The following FREM2 variants were observed in gnomAD, a reference collection of about 807,000 sequenced individuals.
FREM2 encodes FRAS1-related extracellular matrix protein 2.
In FREM2, 119 loss-of-function variants were observed where a neutral mutation model predicts 219.9. The ratio of observed to expected loss-of-function variants is 0.54; its 90% CI spans 0.47 to 0.63. The LOEUF is 0.63. Among genes scored for constraint, FREM2 ranks in the 30% least tolerant of loss-of-function variants. The pLI is 0.00. For missense variants in FREM2, 4,030 were observed against 3,993.6 expected (o/e 1.01, Z -0.25); for synonymous variants, 1,562 against 1,522.8 (o/e 1.03, Z -0.60).
intron 11 of FREM2, among the ~76,000 whole-genome samples, chr13:38,852,080 C>T (rs1187522775): frequency 1.3e-5 from 2 of 152,126 alleles, no homozygotes; most frequent in Non-Finnish European, 2.9e-5. Flanking sequence ...TCTCCATCCC[C>T]AGAATAATGT....
rs76944012 is a variant in FREM2 at position 38,706,225 on chromosome 13, G to A, written c.5263+8438G>A. ...AAAATATAACCCTTCGAAACATCTG[G>A]GTTTAGCAAACATGAGGTTCAAAGG... On this transcript the variant is annotated intron_variant, in intron 2 of 23. Transcript: ENST00000280481. Among the ~76,000 whole-genome samples, 127 of 152,142 alleles carry A rather than the reference G, an allele frequency of 8.3e-4. No individual in the cohort carries two copies. The East Asian group carries it at 0.021, about 25-fold the overall frequency.
In FREM2 at chr13:38,880,566, A is replaced by G. The variant is rs1201762664; in HGVS notation, c.9289A>G (p.Ile3097Val). The G allele has an allele frequency of 3.7e-6, 6 of 1,614,144 alleles. No individual in the cohort carries two copies. The highest frequency in any genetic ancestry group is 5.1e-6 in the Non-Finnish European group (6 of 1,179,988). ...CCATGGGAGAGCACCTCCAGATGGC[A>G]TCCTCCCCTGGGAGCTCAACAGCCC... ...IPHGRAPPDG[I>V]LPWELNSPSS... Residue 3097 changes from isoleucine to valine, a missense_variant, in exon 24 of 24, where the codon ATC becomes GTC. By Grantham distance (29) the Ile-to-Val change is conservative (BLOSUM62 3). Transcript: ENST00000280481.
chr13:38,756,510 C>CTATGGTTGG (rs1873004662), intron 2 of FREM2, among the ~76,000 whole-genome samples: 1 of 148,398 alleles, frequency 6.7e-6, no homozygotes, highest in Non-Finnish European at 1.5e-5. Context: ...TGCTTCAGCA[C>CTATGGTTGG]TATGGTTGGG....
In FREM2 at chr13:38,784,671, G is replaced by C. The variant is rs1426941309; in HGVS notation, c.5882G>C (p.Cys1961Ser). The C allele has an allele frequency of 6.2e-7, 1 of 1,614,188 alleles. No homozygotes were observed. Among genetic ancestry groups the C allele is most frequent in the Non-Finnish European group, 8.5e-7 (1 of 1,180,022 alleles). ...RFDKDEREKL[C>S]RIVIIDDSLY... ...GACAAAGATGAACGGGAGAAACTGT[G>C]TCGGATAGTCATAATTGATGACTCT... Residue 1961 changes from cysteine to serine, a missense_variant, in exon 6 of 24, where the codon TGT becomes TCT. By Grantham distance (112) the Cys-to-Ser change is moderately radical. This residue lies in a region of FREM2 where 3,102 missense variants were observed against 2,950.7 expected (regional missense o/e 1.05). Coordinates refer to ENST00000280481, the MANE Select transcript of FREM2 (RefSeq NM_207361.6).
intron 6 of FREM2, among the ~76,000 whole-genome samples, chr13:38,829,532 A>G (rs186204809): frequency 5.6e-4 from 85 of 152,216 alleles, no homozygotes; most frequent in Admixed American, 5.5e-3. Context: ...AAAAAATACA[A>G]ACACTATGAT....
At chr13:38,751,006 C>A (rs117197392) in intron 2 of FREM2, among the ~76,000 whole-genome samples, 1 of 152,160 alleles carries the variant, frequency 6.6e-6, no homozygotes, top group African/African-American at 2.4e-5. Flanking sequence ...TTTCCACCAA[C>A]AATTCTACCA....
At chr13:38,864,759 G>A in intron 16 of FREM2, 153 bp downstream of exon 16, 2 of 700,784 alleles carry the variant, frequency 2.9e-6, no homozygotes, top group Non-Finnish European at 5.1e-6. Flanking sequence ...CATGGATGGT[G>A]TGAAAATCCG....
In FREM2 at chr13:38,858,028, A is replaced by C. The variant is rs760853675; in HGVS notation, c.7210A>C (p.Ile2404Leu). The change falls in exon 13 of 24, where the codon ATC (isoleucine) becomes CTC (leucine). Residue 2404 changes from isoleucine (I) to leucine (L), a missense_variant. Around this residue, in one of 2 missense-constraint regions of FREM2, gnomAD observed 928 missense variants for 1,042.9 expected, o/e 0.89. Coordinates refer to ENST00000280481, the MANE Select transcript of FREM2 (RefSeq NM_207361.6). ...EPMSGYPVIC[I>L]TACNPKYSDY... is the part of the protein sequence containing the mutation. Reference sequence around the variant, plus strand: ...CATGTCTGGCTATCCTGTCATCTGTATCACAGTGAGTAGGAGATTCACAAA... The same window carrying C: ...CATGTCTGGCTATCCTGTCATCTGTCTCACAGTGAGTAGGAGATTCACAAA... 10 of 1,613,594 alleles carry C rather than the reference A, an allele frequency of 6.2e-6. No homozygotes were observed. The highest frequency in any genetic ancestry group is 8.5e-6 in the Non-Finnish European group (10 of 1,179,608).
chr13:38,861,414 T>TC lies in FREM2; in HGVS notation c.7520-16dup. On this transcript the variant is annotated splice_polypyrimidine_tract_variant and intron_variant, in intron 14 of 23. Coordinates refer to ENST00000280481, the MANE Select transcript of FREM2 (RefSeq NM_207361.6). ...TTACCTTCTTTTCGCATAAATATGG[T>TC]CTTTTTTTTTTTCAAGGTCTTTGTC... 6.3e-7 allele frequency: 1 copy of TC among 1,584,766 alleles called. No homozygotes were observed. Among genetic ancestry groups the TC allele is most frequent in the Non-Finnish European group, 8.6e-7 (1 of 1,156,904 alleles).
chr13:38,721,910 A>T (rs1871284229), intron 2 of FREM2, among the ~76,000 whole-genome samples: 1 of 152,160 alleles, frequency 6.6e-6, no homozygotes, highest in African/African-American at 2.4e-5. Flanking sequence ...GCTTAGAGAG[A>T]ATAAGTTATC....
In FREM2 at chr13:38,689,928, G is replaced by T; in HGVS notation, c.2584G>T (p.Ala862Ser). ...CGTGAATGATGTAGACACTGATGTT[G>T]CCCATATCTCTTTCACTCTCACTCA... Reference protein sequence around the residue: ...LHVNDVDTDVAHISFTLTQAP... With the variant: ...LHVNDVDTDVSHISFTLTQAP... The change falls in exon 1 of 24, where the codon GCC becomes TCC. Residue 862 changes from alanine (A) to serine (S), a missense_variant. Ala to Ser is a moderately conservative substitution (Grantham distance 99, BLOSUM62 1). Around this residue, in one of 2 missense-constraint regions of FREM2, gnomAD observed 3,102 missense variants for 2,950.7 expected, o/e 1.05. Coordinates refer to ENST00000280481, the MANE Select transcript of FREM2 (RefSeq NM_207361.6). 9 of 1,614,134 alleles carry T rather than the reference G, an allele frequency of 5.6e-6. No homozygotes were observed. Among genetic ancestry groups the T allele is most frequent in the Non-Finnish European group, 7.6e-6 (9 of 1,180,024 alleles).
At chr13:38,760,057 C>T (rs775835937) in intron 2 of FREM2, among the ~76,000 whole-genome samples, 2 of 152,182 alleles carry the variant, frequency 1.3e-5, no homozygotes, top group Non-Finnish European at 2.9e-5. Flanking sequence ...ATCTGATTCA[C>T]ATGTGTAATG....
intron 2 of FREM2, among the ~76,000 whole-genome samples, chr13:38,703,028 A>G (rs1165105594): frequency 6.6e-6 from 1 of 152,160 alleles, no homozygotes; most frequent in Non-Finnish European, 1.5e-5. Flanking sequence ...TGTATATGAA[A>G]TGTCATTTAA....
intron 6 of FREM2, among the ~76,000 whole-genome samples, chr13:38,842,207 G>A (rs1876988378): frequency 6.6e-6 from 1 of 152,198 alleles, no homozygotes; most frequent in South Asian, 2.1e-4. Context: ...TCAGTGTCTT[G>A]TAAACCATGT....
intron 6 of FREM2, among the ~76,000 whole-genome samples, chr13:38,792,611 G>T (rs755914423): frequency 1.6e-4 from 25 of 152,018 alleles, no homozygotes; most frequent in Non-Finnish European, 2.5e-4. Flanking sequence ...CTTATTATAT[G>T]TATGTATTTA....
At chr13:38,875,938 C>G (rs921599035) in intron 18 of FREM2, 84 bp from the exon 19 acceptor site, 23 of 1,242,068 alleles carry the variant, frequency 1.9e-5, no homozygotes, top group Admixed American at 3.4e-5. Context: ...AATGTATGAT[C>G]ATTTATTTTG....
At chr13:38,819,620 T>C (rs1875941949) in intron 6 of FREM2, among the ~76,000 whole-genome samples, 1 of 152,180 alleles carries the variant, frequency 6.6e-6, no homozygotes, top group Admixed American at 6.6e-5. Flanking sequence ...ACTTATGTCT[T>C]TATTTTTTAG....
At chr13:38,697,380 TG>T (rs1293205107) in intron 1 of FREM2, among the ~76,000 whole-genome samples, 1 of 152,198 alleles carries the variant, frequency 6.6e-6, no homozygotes, top group Non-Finnish European at 1.5e-5. Flanking sequence ...CCACCTGTCA[TG>T]GTGCCTGACA....
chr13:38,843,029 T>G (rs1302234092), intron 6 of FREM2, among the ~76,000 whole-genome samples: 1 of 152,124 alleles, frequency 6.6e-6, no homozygotes, highest in Non-Finnish European at 1.5e-5. Context: ...AGAGTTTGGC[T>G]TCCCTTATGA....
Sources: gnomAD v4.1 joint callset for allele counts (sites outside exome capture counted in the v4.1 genomes callset) on GRCh38, gnomAD v4.1.1 for gene constraint, gnomAD v4.1.1 regional missense constraint, MANE v1.5 for transcripts, NCBI Gene and HGNC (gene_info 2026-07-23, HGNC 2026-07-21) for gene names.